Variants in MAP3K7CL observed in about 807,000 individuals in gnomAD.
MAP3K7CL encodes MAP3K7 C-terminal like.
MAP3K7CL carries 16 observed loss-of-function variants against 18.6 expected under a neutral mutation model. That is an observed-to-expected ratio of 0.86 (90% CI 0.58 to 1.31). The LOEUF (loss-of-function observed/expected upper bound fraction) is 1.31. Ranked by LOEUF, MAP3K7CL falls within the 50% of genes most tolerant of loss-of-function variation. The pLI is 0.00. For missense variants in MAP3K7CL, 163 were observed against 174.4 expected, an observed-to-expected ratio of 0.93 and a Z score of 0.37; for synonymous variants, 65 against 66.8, an observed-to-expected ratio of 0.97 and a Z score of 0.13.
At chr21:29,086,742 T>G (rs932307445) in intron 1 of MAP3K7CL, among the ~76,000 whole-genome samples, 7 of 152,216 alleles carry the variant, frequency 4.6e-5, no homozygotes, top group African/African-American at 1.7e-4. Flanking sequence ...GCCCTGTTCT[T>G]TCTTCATTAA....
intron 4 of MAP3K7CL, among the ~76,000 whole-genome samples, chr21:29,093,623 CG>C (rs1000122447): frequency 4.6e-5 from 7 of 151,816 alleles, no homozygotes; most frequent in Admixed American, 3.9e-4. Flanking sequence ...CTGGGACTGC[CG>C]GCACCCGCCA....
intron 4 of MAP3K7CL, among the ~76,000 whole-genome samples, chr21:29,105,190 C>T (rs2086299641): frequency 1.3e-5 from 2 of 152,170 alleles, no homozygotes; most frequent in Non-Finnish European, 1.5e-5. Flanking sequence ...TCTACAATGA[C>T]CCCATCACTG....
intron 4 of MAP3K7CL, among the ~76,000 whole-genome samples, chr21:29,114,646 T>C (rs1173071193): frequency 2.6e-5 from 4 of 151,884 alleles, no homozygotes; most frequent in Admixed American, 6.6e-5. Flanking sequence ...CTGCCTTGGC[T>C]TCCCAAAGTG....
At chr21:29,091,787 C>A (rs1480764443) in intron 3 of MAP3K7CL, 1 of 701,184 alleles carries the variant, frequency 1.4e-6, no homozygotes, top group Admixed American at 2.0e-5. Flanking sequence ...CCTGGCCTGT[C>A]CATTCTCAAA....
upstream of MAP3K7CL, among the ~76,000 whole-genome samples, chr21:29,082,794 G>C (rs2085858171): frequency 6.6e-6 from 1 of 152,148 alleles, no homozygotes; most frequent in Admixed American, 6.5e-5. Context: ...TTTGGCAAGA[G>C]TTTTCCACCA....
intron 2 of MAP3K7CL, among the ~76,000 whole-genome samples, chr21:29,146,055 G>T (rs1385768828): frequency 6.6e-6 from 1 of 152,070 alleles, no homozygotes; most frequent in Non-Finnish European, 1.5e-5. Context: ...AAAGTAAATG[G>T]ATAACTTTTT....
chr21:29,136,256 C>T (rs919817101), intron 2 of MAP3K7CL, among the ~76,000 whole-genome samples: 14 of 152,164 alleles, frequency 9.2e-5, no homozygotes, highest in African/African-American at 2.9e-4. Context: ...GAATAAGGAA[C>T]ATGTGGAGTG....
chr21:29,162,777 A>G (rs1317899732), intron 4 of MAP3K7CL, among the ~76,000 whole-genome samples: 1 of 152,098 alleles, frequency 6.6e-6, no homozygotes, highest in African/African-American at 2.4e-5. Context: ...CATTGAAAGC[A>G]ATGATAACTC....
Position 29,166,426 on chromosome 21 carries a change from G to A in MAP3K7CL, c.248+6370G>A, listed in dbSNP as rs74675739. The stretch of plus-strand genomic sequence containing the variant: ...CTTCTGCTGATGGACACTTGGACAC[G>A]TAGGTTGATCCTATACCCTGGCTAT... On this transcript the variant is annotated intron_variant, in intron 4 of 4. Transcript: ENST00000399928. Among the ~76,000 whole-genome samples the A allele has an allele frequency of 3.8e-3, 579 of 152,290 alleles. 9 individuals carry two copies. The East Asian group carries it at 0.064, about 17-fold the overall frequency.
chr21:29,136,503 G>A (rs1385451762), intron 2 of MAP3K7CL, among the ~76,000 whole-genome samples: 5 of 151,044 alleles, frequency 3.3e-5, no homozygotes, highest in African/African-American at 7.3e-5. Context: ...ATGTTGACAT[G>A]TTCATTTTTT....
chr21:29,169,197 C>G (rs2087763718), intron 4 of MAP3K7CL, among the ~76,000 whole-genome samples: 1 of 152,218 alleles, frequency 6.6e-6, no homozygotes, highest in Non-Finnish European at 1.5e-5. Flanking sequence ...GTCAGTTGTA[C>G]CAAGGATGAG....
chr21:29,133,843 A>G (rs1175591909), intron 2 of MAP3K7CL, among the ~76,000 whole-genome samples: 1 of 152,240 alleles, frequency 6.6e-6, no homozygotes, highest in Non-Finnish European at 1.5e-5. Context: ...CTGGTTTCTC[A>G]CTGGTGCTCC....
At chr21:29,157,028 C>T (rs1384610818) in intron 3 of MAP3K7CL, among the ~76,000 whole-genome samples, 1 of 152,154 alleles carries the variant, frequency 6.6e-6, no homozygotes, top group Non-Finnish European at 1.5e-5. Context: ...GTCAGCCTCT[C>T]CTAGGTAACC....
intron 2 of MAP3K7CL, among the ~76,000 whole-genome samples, chr21:29,138,249 A>G (rs1440116458): frequency 6.6e-6 from 1 of 152,244 alleles, no homozygotes; most frequent in Admixed American, 6.5e-5. Context: ...AAACTTAGCT[A>G]ATGGTAATTC....
chr21:29,171,586 C>A (rs544421666), intron 4 of MAP3K7CL, among the ~76,000 whole-genome samples: 3 of 152,172 alleles, frequency 2.0e-5, no homozygotes, highest in African/African-American at 7.2e-5. Flanking sequence ...GAGGCTGAGG[C>A]GGGAGGATCA....
intron 4 of MAP3K7CL, among the ~76,000 whole-genome samples, chr21:29,119,172 A>G (rs1394136016): frequency 6.6e-6 from 1 of 152,232 alleles, no homozygotes; most frequent in African/African-American, 2.4e-5. Context: ...TTGTTAGATC[A>G]ACATTCAGTA....
At chr21:29,083,735 CTT>C (rs1344657933), upstream of MAP3K7CL, among the ~76,000 whole-genome samples, 2 of 151,820 alleles carry the variant, frequency 1.3e-5, no homozygotes, top group African/African-American at 2.4e-5. Flanking sequence ...CCTGATTGTT[CTT>C]TCTTTTTTGC....
rs397727880 is a variant in MAP3K7CL, at chr21:29,100,083, T to TAAA, written c.370+7521_370+7523dup. ...GGGCGACAGAGCGAGACTCCGTCTT[T>TAAA]AAAAAAAAAAAAAAAAAAAAAGGAA... On this transcript the variant is annotated intron_variant, in intron 4 of 6. Transcript: ENST00000286791. Among the ~76,000 whole-genome samples, 669 of 122,808 alleles carry TAAA rather than the reference T, an allele frequency of 5.4e-3. 9 individuals carry two copies. The highest frequency in any genetic ancestry group is 0.02 in the African/African-American group (634 of 31,844). 80.6% of individuals were successfully genotyped at this position (122,808 alleles called of 152,430 possible).
chr21:29,083,243 T>C (rs1601114465), upstream of MAP3K7CL, among the ~76,000 whole-genome samples: 1 of 152,178 alleles, frequency 6.6e-6, no homozygotes, highest in Non-Finnish European at 1.5e-5. Flanking sequence ...ATCCAATCCT[T>C]ATCAAATGCC....
Sources: allele counts gnomAD v4.1 joint callset (sites outside exome capture counted in the v4.1 genomes callset), GRCh38; gene constraint gnomAD v4.1.1; transcripts MANE v1.5; gene names NCBI Gene and HGNC (gene_info 2026-07-23, HGNC 2026-07-21).